Variants in ZNF536 observed in about 807,000 individuals in gnomAD.
ZNF536 encodes zinc finger protein 536.
Under a neutral mutation model 84.5 loss-of-function variants are expected in ZNF536, and 13 were observed. The ratio of observed to expected loss-of-function variants is 0.15; its 90% confidence interval spans 0.10 to 0.24. The LOEUF (loss-of-function observed/expected upper bound fraction) is 0.24, where lower values mean the gene tolerates loss of function less well. ZNF536 is among the 10% of genes least tolerant of loss of function. ZNF536 has a pLI of 1.00. For missense variants in ZNF536, 1,536 were observed against 1,747.5 expected (o/e 0.88, Z 2.16); for synonymous variants, 811 against 742.5 (o/e 1.09, Z -1.50).
intron 3 of ZNF536, among the ~76,000 whole-genome samples, chr19:30,355,004 T>C (rs2048046930): frequency 6.6e-6 from 1 of 152,244 alleles, no homozygotes; most frequent in Non-Finnish European, 1.5e-5. Context: ...CCCGATTCTT[T>C]GCACTAGACA....
In ZNF536 at chr19:30,465,341, T is replaced by A. The variant is rs78090428; in HGVS notation, c.2170+19609T>A. 8.1e-4 allele frequency among the ~76,000 whole-genome samples: 123 copies of A among 152,270 alleles called. No individual in the cohort carries two copies. In the East Asian group the frequency reaches 0.013, roughly 17 times the overall value. Reference sequence around the variant, plus strand: ...TTTCCAGGGACCTTAGTAGGAACTATCCCTCCCCAGTCACCCCCTGAAGAT... The same window carrying A: ...TTTCCAGGGACCTTAGTAGGAACTAACCCTCCCCAGTCACCCCCTGAAGAT... On this transcript the variant is annotated intron_variant, in intron 2 of 4. Coordinates refer to ENST00000355537, the MANE Select transcript of ZNF536 (RefSeq NM_014717.3).
intron 1 of ZNF536, among the ~76,000 whole-genome samples, chr19:30,571,815 C>A (rs565732353): frequency 6.6e-5 from 10 of 152,162 alleles, no homozygotes; most frequent in African/African-American, 1.7e-4. Context: ...TACATTGGGC[C>A]CTCCATGATG....
rs1320560914 is a variant in ZNF536, at chr19:30,583,548, G to T, written c.169+34034G>T. On this transcript the variant is annotated intron_variant, in intron 1 of 1. Transcript: ENST00000592773. ...TCCTGGCCTGCAGCTCCACCCAGAT[G>T]CTTAAGAAGTGCCCCACACTTGAAC... Among the ~76,000 whole-genome samples, 3 of 152,170 alleles carry T rather than the reference G, an allele frequency of 2.0e-5. No homozygotes were observed. In the East Asian group the frequency reaches 5.8e-4, roughly 29 times the overall value.
intron 1 of ZNF536, among the ~76,000 whole-genome samples, chr19:30,604,409 T>G (rs1204796542): frequency 1.3e-5 from 2 of 152,248 alleles, no homozygotes; most frequent in East Asian, 3.8e-4. Context: ...TATTTGCATA[T>G]TATTTTATAC....
At chr19:30,551,669 C>A (rs148790237) in intron 4 of ZNF536, among the ~76,000 whole-genome samples, 1 of 152,156 alleles carries the variant, frequency 6.6e-6, no homozygotes, top group Admixed American at 6.5e-5. Flanking sequence ...CCCCTTGTTC[C>A]GCCTTCCACT....
At chr19:30,272,431 A>G (rs889911197) in intron 1 of ZNF536, among the ~76,000 whole-genome samples, 3 of 152,214 alleles carry the variant, frequency 2.0e-5, no homozygotes, top group Non-Finnish European at 4.4e-5. Flanking sequence ...CATTATTATG[A>G]ATGAAAATTC....
chr19:30,293,742 C>T (rs1314273086), intron 2 of ZNF536, among the ~76,000 whole-genome samples: 1 of 152,246 alleles, frequency 6.6e-6, no homozygotes, highest in East Asian at 1.9e-4. Context: ...TAGCACATTG[C>T]AAGAAAGACA....
chr19:30,573,012 C>T (rs892273756), intron 1 of ZNF536, among the ~76,000 whole-genome samples: 52 of 152,064 alleles, frequency 3.4e-4, no homozygotes, highest in African/African-American at 1.0e-3. Context: ...CTGCACCAGA[C>T]GCACCAGTGT....
chr19:30,522,784 G>T (rs1012090356), intron 2 of ZNF536, among the ~76,000 whole-genome samples: 8 of 152,144 alleles, frequency 5.3e-5, no homozygotes, highest in African/African-American at 1.7e-4. Context: ...TCTTGGAGGG[G>T]CTTTCAATTA....
chr19:30,328,441 G>A (rs2047106989), intron 2 of ZNF536, among the ~76,000 whole-genome samples: 1 of 152,212 alleles, frequency 6.6e-6, no homozygotes, highest in South Asian at 2.1e-4. Flanking sequence ...TGCTCTTGGG[G>A]CTCTCTGCTG....
chr19:30,487,766 A>G (rs1863873695), intron 2 of ZNF536, among the ~76,000 whole-genome samples: 1 of 152,210 alleles, frequency 6.6e-6, no homozygotes. Flanking sequence ...TCTATAGAAA[A>G]TGACAATTTC....
intron 2 of ZNF536, among the ~76,000 whole-genome samples, chr19:30,497,106 T>A (rs1468232765): frequency 2.6e-5 from 4 of 152,126 alleles, no homozygotes; most frequent in African/African-American, 7.2e-5. Flanking sequence ...CGTCTGCAGG[T>A]GCTGACACAC....
intron 1 of ZNF536, among the ~76,000 whole-genome samples, chr19:30,423,743 C>G (rs1026601237): frequency 7.2e-5 from 11 of 152,174 alleles, no homozygotes; most frequent in African/African-American, 2.7e-4. Flanking sequence ...AAGGGCAGGG[C>G]TCCCTCCCGG....
chr19:30,564,896 C>T (rs959279776), intron 1 of ZNF536, among the ~76,000 whole-genome samples: 12 of 152,154 alleles, frequency 7.9e-5, no homozygotes, highest in African/African-American at 2.6e-4. Context: ...TGCCTGGGCT[C>T]GGCGGGGCCA....
chr19:30,634,903 CA>C lies in ZNF536; in HGVS notation c.170-75850del, dbSNP rs1264357574. 2.0e-5 allele frequency among the ~76,000 whole-genome samples: 3 copies of C among 152,234 alleles called. No homozygotes were observed. In the East Asian group the frequency reaches 5.8e-4, roughly 30 times the overall value. ...GTGTGTGTCTGACTAAACTCTTAGCCAAAATCTCAGCTAGATGATTTGACCA... is the reference window on the plus strand; with the variant it reads ...GTGTGTGTCTGACTAAACTCTTAGCCAAATCTCAGCTAGATGATTTGACCA... On this transcript the variant is annotated intron_variant, in intron 1 of 1. Coordinates refer to the ZNF536 transcript ENST00000592773.
intron 1 of ZNF536, among the ~76,000 whole-genome samples, chr19:30,281,561 C>T (rs1322052651): frequency 6.6e-6 from 1 of 152,174 alleles, no homozygotes; most frequent in African/African-American, 2.4e-5. Context: ...CCCCAGAGGC[C>T]CCAGTGCACC....
chr19:30,604,778 C>T (rs959397314), intron 1 of ZNF536, among the ~76,000 whole-genome samples: 17 of 152,174 alleles, frequency 1.1e-4, no homozygotes, highest in East Asian at 1.9e-4. Flanking sequence ...ACATGAAGAA[C>T]GGACATTCAG....
At position 30,445,369 on chromosome 19, in the gene ZNF536, A is replaced by G. The variant is rs2052273922; in HGVS notation, c.1807A>G (p.Ser603Gly). ...DLPSKLDPLE[S>G]SRDFLSHGLN... ...GCCAAGTAAGCTCGACCCTTTAGAA[A>G]GCAGTCGGGATTTTTTGTCACACGG... is the stretch of plus-strand genomic sequence containing the variant. The change falls in exon 2 of 5, where the codon AGC (serine) becomes GGC (glycine). Residue 603 changes from serine to glycine, a missense_variant. Transcript: ENST00000355537. This position sits in a 1 kb window ranked among gnomAD's most constrained non-coding sequence, Gnocchi z 4.5. 1.1e-5 allele frequency: 18 copies of G among 1,614,042 alleles called. No homozygotes were observed. The highest frequency in any genetic ancestry group is 1.5e-5 in the Non-Finnish European group (18 of 1,180,034).
chr19:30,339,389 T>A (rs1473729652), intron 2 of ZNF536, among the ~76,000 whole-genome samples: 1 of 152,188 alleles, frequency 6.6e-6, no homozygotes, highest in Non-Finnish European at 1.5e-5. Context: ...GAGCAGCCAC[T>A]GACCCCACCC....
Sources: allele counts gnomAD v4.1 joint callset (sites outside exome capture counted in the v4.1 genomes callset), GRCh38; gene constraint gnomAD v4.1.1; non-coding constraint Gnocchi (gnomAD v3.1); transcripts MANE v1.5; gene names NCBI Gene and HGNC (gene_info 2026-07-23, HGNC 2026-07-21).